The following MSS51 variants were observed in gnomAD, a reference collection of about 807,000 sequenced individuals.
MSS51 encodes putative protein MSS51 homolog, mitochondrial.
A neutral mutation model predicts 40.2 loss-of-function variants in MSS51; 32 were observed. The ratio of observed to expected loss-of-function variants is 0.80; its 90% CI spans 0.60 to 1.07. The LOEUF is 1.07. MSS51 is among the 50% of genes least tolerant of loss of function. The probability of loss-of-function intolerance (pLI) is 0.00; values close to 1 mark genes in which losing one functional copy is unlikely to be tolerated. For missense variants in MSS51, 518 were observed against 568.9 expected, an observed-to-expected ratio of 0.91 and a Z score of 0.91; for synonymous variants, 178 against 214.2, an observed-to-expected ratio of 0.83 and a Z score of 1.48.
intron 3 of MSS51, among the ~76,000 whole-genome samples, chr10:73,427,018 A>T (rs897251798): frequency 6.6e-6 from 1 of 152,154 alleles, no homozygotes; most frequent in Non-Finnish European, 1.5e-5. Flanking sequence ...CTGTCCTCTC[A>T]TAACAGGTAT....
Position 73,424,466 on chromosome 10 carries a change from T to C in MSS51, c.*87A>G. The C allele has an allele frequency of 5.0e-6, 5 of 1,007,444 alleles. No homozygotes were observed. The highest frequency in any genetic ancestry group is 7.8e-6 in the Non-Finnish European group (5 of 640,290). The allele number at this position is 1,007,444 out of a possible 1,614,324, so 62.4% of individuals were successfully genotyped here. The stretch of plus-strand genomic sequence containing the variant: ...ACAGTAAATGAGGTTTAGAATATAA[T>C]GTTTTTCAAAGTTTGCAAGAACCTG... On this transcript the variant is annotated 3_prime_UTR_variant, in exon 7 of 7. Coordinates refer to ENST00000299432, the MANE Select transcript of MSS51 (RefSeq NM_001024593.2).
chr10:73,431,404 G>A (rs1450962348), intron 1 of MSS51, among the ~76,000 whole-genome samples: 8 of 152,170 alleles, frequency 5.3e-5, no homozygotes, highest in Non-Finnish European at 1.0e-4. Flanking sequence ...GATTAAAAAC[G>A]CTGGCAGTGT....
At chr10:73,426,500 C>G in intron 4 of MSS51, 107 bp downstream of exon 4, 1 of 1,587,830 alleles carries the variant, frequency 6.3e-7, no homozygotes, top group Non-Finnish European at 8.6e-7. Context: ...GTGCCCCATC[C>G]TTTGCCCCAC....
chr10:73,424,803 A>C (rs1315189087), intron 6 of MSS51, 31 bp from the exon 7 acceptor site: 2 of 1,546,072 alleles, frequency 1.3e-6, no homozygotes, highest in African/African-American at 1.4e-5. Context: ...AAATTACTCT[A>C]CTGATTGTGA....
intron 1 of MSS51, among the ~76,000 whole-genome samples, chr10:73,432,394 G>T (rs1258947474): frequency 6.6e-6 from 1 of 152,156 alleles, no homozygotes; most frequent in African/African-American, 2.4e-5. Flanking sequence ...AATAGGTATG[G>T]AAGGAAAGTG....
In MSS51 at chr10:73,424,792, A is replaced by G; in HGVS notation, c.1164-20T>C. On this transcript the variant is annotated intron_variant, in intron 6 of 6. Transcript: ENST00000299432. ...TGATGGCTGTAGAAGAGAGAGAAGAAAAATTACTCTACTGATTGTGACAGA... is the reference window on the plus strand; with the variant it reads ...TGATGGCTGTAGAAGAGAGAGAAGAGAAATTACTCTACTGATTGTGACAGA... 1 of 1,576,544 alleles carries G rather than the reference A, an allele frequency of 6.3e-7. No homozygotes were observed. The highest frequency in any genetic ancestry group is 8.7e-7 in the Non-Finnish European group (1 of 1,145,948).
intron 1 of MSS51, among the ~76,000 whole-genome samples, chr10:73,431,064 A>C (rs1180911074): frequency 6.6e-6 from 1 of 152,220 alleles, no homozygotes; most frequent in Non-Finnish European, 1.5e-5. Flanking sequence ...CATTTCTATG[A>C]AATATCCAGA....
At chr10:73,428,346 C>A in intron 1 of MSS51, 45 bp from the exon 2 acceptor site, 1 of 1,416,586 alleles carries the variant, frequency 7.1e-7, no homozygotes, top group Non-Finnish European at 9.6e-7. Flanking sequence ...ATTTTACAAG[C>A]TGGACACTTG....
At chr10:73,429,796 C>T (rs895456725) in intron 1 of MSS51, 1 of 408,702 alleles carries the variant, frequency 2.4e-6, no homozygotes, top group African/African-American at 2.1e-5. Context: ...TATATAGAAG[C>T]AAATATGAGA....
chr10:73,424,753 A>T lies in MSS51; in HGVS notation c.1183T>A (p.Ser395Thr). ...TCCAGTTCCACCAGAATCTGCAAAG[A>T]GGATACCAACTCCTGATGGCTGTAG... ...TVYSHQELVS[S>T]LQILVELDTH... The change falls in exon 7 of 7, where the codon TCT becomes ACT. Residue 395 changes from serine (S) to threonine (T), a missense_variant. Transcript: ENST00000299432. 6.2e-7 allele frequency: 1 copy of T among 1,613,910 alleles called. No homozygotes were observed. The highest frequency in any genetic ancestry group is 8.5e-7 in the Non-Finnish European group (1 of 1,179,760).
At chr10:73,429,507 G>A (rs1042812016) in intron 1 of MSS51, 2 of 423,252 alleles carry the variant, frequency 4.7e-6, no homozygotes, top group Non-Finnish European at 9.5e-6. Flanking sequence ...AATAAGCCAA[G>A]AAGTAAAAAT....
At chr10:73,428,975 C>A (rs1032817334) in intron 1 of MSS51, among the ~76,000 whole-genome samples, 9 of 151,072 alleles carry the variant, frequency 6.0e-5, no homozygotes, top group Non-Finnish European at 8.9e-5. Context: ...GAGGCTGAGG[C>A]GGGCGGATCA....
At chr10:73,432,485 C>A (rs2056035889) in intron 1 of MSS51, among the ~76,000 whole-genome samples, 2 of 151,972 alleles carry the variant, frequency 1.3e-5, no homozygotes, top group Admixed American at 1.3e-4. Flanking sequence ...AGCCTTTTTG[C>A]TGCAATGGAA....
At chr10:73,429,658 G>A (rs1292460167) in intron 1 of MSS51, 1 of 456,418 alleles carries the variant, frequency 2.2e-6, no homozygotes, top group Middle Eastern at 3.3e-4. Context: ...CTCTTTCCCT[G>A]TCTCATCTTC....
rs145089649 is a variant in MSS51, at chr10:73,427,683, G to T, written c.307C>A (p.Arg103=). The T allele has an allele frequency of 6.2e-7, 1 of 1,614,180 alleles. No homozygotes were observed. Among genetic ancestry groups the T allele is most frequent in the East Asian group, 2.2e-5 (1 of 44,888 alleles). ...EMFQRMEDTF[R]FCAHCRALPS... ...AGTGCTCTACAGTGAGCACAGAATC[G>T]AAATGTGTCTTCCATCCTCTGGAAC... is the stretch of plus-strand genomic sequence containing the variant. Residue 103 remains arginine (R), a synonymous_variant, in exon 3 of 7, where the codon CGA becomes AGA. Coordinates refer to ENST00000299432, the MANE Select transcript of MSS51 (RefSeq NM_001024593.2).
chr10:73,425,214 G>A, intron 5 of MSS51, 23 bp from the exon 6 acceptor site: 1 of 1,517,826 alleles, frequency 6.6e-7, no homozygotes, highest in Non-Finnish European at 9.0e-7. Flanking sequence ...AATGAAAATG[G>A]GAATAGGGAA....
intron 1 of MSS51, among the ~76,000 whole-genome samples, chr10:73,429,206 C>CA (rs891035710): frequency 5.1e-4 from 74 of 143,752 alleles, no homozygotes; most frequent in East Asian, 1.8e-3. Context: ...AACTCTGTCT[C>CA]AAAAAAAAAA....
intron 1 of MSS51, chr10:73,429,708 C>T (rs899672137): frequency 4.4e-6 from 2 of 453,824 alleles, no homozygotes; most frequent in African/African-American, 4.0e-5. Context: ...CAGAAAGGAC[C>T]ATATGAGAAA....
intron 1 of MSS51, chr10:73,429,739 T>C: frequency 2.2e-6 from 1 of 455,012 alleles, no homozygotes; most frequent in Non-Finnish European, 4.4e-6. Flanking sequence ...TCCATTCATG[T>C]AATATATATT....
Sources: gnomAD v4.1 joint callset for allele counts (sites outside exome capture counted in the v4.1 genomes callset) on GRCh38, gnomAD v4.1.1 for gene constraint, MANE v1.5 for transcripts, NCBI Gene and HGNC (gene_info 2026-07-23, HGNC 2026-07-21) for gene names.